The following BTBD9 variants were observed in gnomAD, a reference collection of about 807,000 sequenced individuals.
The protein encoded by BTBD9 is BTB domain containing 9, also known as BTB/POZ domain-containing protein 9.
Under a neutral mutation model 64.3 loss-of-function variants are expected in BTBD9, and 49 were observed. The observed-to-expected ratio is 0.76, with a 90% CI of 0.61 to 0.97. BTBD9 has a LOEUF of 0.97. BTBD9 is among the 50% of genes least tolerant of loss of function. The pLI is 0.00. For missense variants in BTBD9, 598 were observed against 762.1 expected (o/e 0.78, Z 2.53); for synonymous variants, 260 against 274.7 (o/e 0.95, Z 0.53).
intron 6 of BTBD9, among the ~76,000 whole-genome samples, chr6:38,560,300 CAT>C (rs1173556842): frequency 5.3e-5 from 8 of 152,028 alleles, no homozygotes; most frequent in African/African-American, 7.2e-5. Context: ...AGCCAAAAAA[CAT>C]ATGAAAAAAT....
intron 6 of BTBD9, among the ~76,000 whole-genome samples, chr6:38,464,545 G>A (rs1770255525): frequency 6.6e-6 from 1 of 151,934 alleles, no homozygotes. Flanking sequence ...GCCCAGGCTG[G>A]AGTCCAGTGG....
chr6:38,227,884 C>T (rs1347883224), intron 9 of BTBD9, among the ~76,000 whole-genome samples: 1 of 152,100 alleles, frequency 6.6e-6, no homozygotes, highest in Non-Finnish European at 1.5e-5. Flanking sequence ...AAAGTGAATC[C>T]TAACTTACAT....
intron 8 of BTBD9, among the ~76,000 whole-genome samples, chr6:38,268,736 T>C (rs534679695): frequency 6.6e-6 from 1 of 152,356 alleles, no homozygotes; most frequent in Non-Finnish European, 1.5e-5. Flanking sequence ...GAGCACAATC[T>C]ACAAAGTCTT....
chr6:38,584,731 T>C (rs1400217758), intron 4 of BTBD9, among the ~76,000 whole-genome samples: 1 of 152,312 alleles, frequency 6.6e-6, no homozygotes, highest in African/African-American at 2.4e-5. Flanking sequence ...AGAAAATGTA[T>C]GGATGCTCCC....
intron 6 of BTBD9, among the ~76,000 whole-genome samples, chr6:38,410,411 T>G (rs914178533): frequency 5.3e-5 from 8 of 151,866 alleles, no homozygotes; most frequent in African/African-American, 1.9e-4. Flanking sequence ...AGGCTGGGGC[T>G]GCAGTGAGCC....
chr6:38,417,800 G>GAGAGA (rs1554149297), intron 6 of BTBD9, among the ~76,000 whole-genome samples: 32 of 143,038 alleles, frequency 2.2e-4, no homozygotes, highest in African/African-American at 8.4e-4. Flanking sequence ...GAGAGAGAGA[G>GAGAGA]AAAAAAAATA....
intron 6 of BTBD9, among the ~76,000 whole-genome samples, chr6:38,363,917 G>A (rs1376956563): frequency 2.0e-5 from 3 of 152,158 alleles, no homozygotes; most frequent in Non-Finnish European, 4.4e-5. Flanking sequence ...CTATTAGACA[G>A]CAATTTAAAC....
At chr6:38,624,314 T>C (rs992473817) in intron 1 of BTBD9, among the ~76,000 whole-genome samples, 1 of 152,172 alleles carries the variant, frequency 6.6e-6, no homozygotes, top group Non-Finnish European at 1.5e-5. Context: ...TCAGGTCCCC[T>C]TCCACACTGT....
chr6:38,527,939 A>T (rs1380423612), intron 6 of BTBD9, among the ~76,000 whole-genome samples: 2 of 152,046 alleles, frequency 1.3e-5, no homozygotes, highest in East Asian at 3.9e-4. Context: ...CCACATAAAA[A>T]AAGCCCCTTC....
chr6:38,578,897 ACTTTT>A (rs1412786289), intron 5 of BTBD9, among the ~76,000 whole-genome samples: 3 of 152,184 alleles, frequency 2.0e-5, no homozygotes, highest in East Asian at 1.9e-4. Context: ...AACATACTAA[ACTTTT>A]CTTTTATTAT....
chr6:38,190,950 A>T (rs1411898836), intron 10 of BTBD9, among the ~76,000 whole-genome samples: 1 of 152,228 alleles, frequency 6.6e-6, no homozygotes, highest in Admixed American at 6.5e-5. Context: ...TTTGGGAATT[A>T]AAAAACTAGT....
At chr6:38,508,100 T>C (rs1237045802) in intron 6 of BTBD9, among the ~76,000 whole-genome samples, 3 of 152,188 alleles carry the variant, frequency 2.0e-5, no homozygotes, top group Non-Finnish European at 4.4e-5. Flanking sequence ...CCCAAAGTGC[T>C]GGGATTACAG....
intron 7 of BTBD9, among the ~76,000 whole-genome samples, chr6:38,297,115 C>G (rs1307108352): frequency 6.6e-6 from 1 of 152,174 alleles, no homozygotes; most frequent in South Asian, 2.1e-4. Flanking sequence ...CGCCTGTAAT[C>G]CCAGCACTTT....
intron 10 of BTBD9, among the ~76,000 whole-genome samples, chr6:38,177,675 A>G (rs1761337446): frequency 6.6e-6 from 1 of 152,176 alleles, no homozygotes; most frequent in Non-Finnish European, 1.5e-5. Flanking sequence ...CACGTGATAG[A>G]CATTCCACGA....
chr6:38,442,510 G>A (rs1220364871), intron 6 of BTBD9, among the ~76,000 whole-genome samples: 1 of 151,792 alleles, frequency 6.6e-6, no homozygotes, highest in Non-Finnish European at 1.5e-5. Context: ...AATAAAAACA[G>A]AAGTACTAAG....
intron 6 of BTBD9, among the ~76,000 whole-genome samples, chr6:38,393,708 C>G (rs1351689135): frequency 6.6e-6 from 1 of 152,198 alleles, no homozygotes; most frequent in Non-Finnish European, 1.5e-5. Context: ...TACAAATTAT[C>G]TGAAATTGTA....
intron 1 of BTBD9, among the ~76,000 whole-genome samples, chr6:38,636,605 A>G (rs1778534950): frequency 6.6e-6 from 1 of 152,158 alleles, no homozygotes; most frequent in Non-Finnish European, 1.5e-5. Context: ...TGTCTCCAAA[A>G]TCTATCCATT....
intron 1 of BTBD9, among the ~76,000 whole-genome samples, chr6:38,621,280 C>G (rs1777971792): frequency 6.6e-6 from 1 of 152,226 alleles, no homozygotes; most frequent in Non-Finnish European, 1.5e-5. Flanking sequence ...GGGACCAGTG[C>G]TTCAAATACG....
At chr6:38,359,762 T>C (rs1764877832) in intron 6 of BTBD9, among the ~76,000 whole-genome samples, 1 of 152,118 alleles carries the variant, frequency 6.6e-6, no homozygotes, top group African/African-American at 2.4e-5. Context: ...GCAGGTTTCC[T>C]AGGAAAGGTG....
Sources: allele counts gnomAD v4.1 joint callset (sites outside exome capture counted in the v4.1 genomes callset), GRCh38; gene constraint gnomAD v4.1.1; transcripts MANE v1.5; gene names NCBI Gene and HGNC (gene_info 2026-07-23, HGNC 2026-07-21).